SCHIP1: variants seen among roughly 807,000 people sequenced by gnomAD.
SCHIP1 encodes schwannomin interacting protein 1, also known as schwannomin-interacting protein 1.
In SCHIP1, 8 loss-of-function variants were observed where a neutral mutation model predicts 29.7. The observed-to-expected ratio is 0.27, with a 90% confidence interval of 0.16 to 0.49. SCHIP1 has a LOEUF of 0.49. Ranked by LOEUF, SCHIP1 falls within the 20% of genes least tolerant of loss-of-function variation. SCHIP1 has a pLI of 0.99. For missense variants in SCHIP1, 193 were observed against 294.6 expected (o/e 0.66, Z 2.52); for synonymous variants, 76 against 94.9 (o/e 0.80, Z 1.16).
At chr3:159,740,694 T>C in the SCHIP1 span, among the ~76,000 whole-genome samples, 1 of 135,770 alleles carries the variant, frequency 7.4e-6, no homozygotes, top group Admixed American at 8.4e-5. Context: ...GCCACAGGTA[T>C]GCCCCTAAGA....
At chr3:159,339,079 T>G in the SCHIP1 span, among the ~76,000 whole-genome samples, 2 of 152,072 alleles carry the variant, frequency 1.3e-5, no homozygotes, top group East Asian at 3.9e-4. Context: ...TCCATGGCCA[T>G]TTACAGCAGA....
chr3:159,491,143 T>A, the SCHIP1 span, among the ~76,000 whole-genome samples: 22 of 152,168 alleles, frequency 1.4e-4, no homozygotes, highest in Non-Finnish European at 2.8e-4. Context: ...GATGGCCGAA[T>A]AGGAGCAGCT....
At chr3:159,850,068 G>C (rs1712375243) in intron 1 of SCHIP1, among the ~76,000 whole-genome samples, 1 of 152,182 alleles carries the variant, frequency 6.6e-6, no homozygotes, top group African/African-American at 2.4e-5. Context: ...AAACTGGAAA[G>C]GAAAATTCAT....
the SCHIP1 span, among the ~76,000 whole-genome samples, chr3:159,539,894 A>T: frequency 6.6e-6 from 1 of 151,874 alleles, no homozygotes; most frequent in Non-Finnish European, 1.5e-5. Context: ...TAAAGAGATG[A>T]TTCCTCTTTA....
the SCHIP1 span, among the ~76,000 whole-genome samples, chr3:159,755,506 T>C: frequency 6.6e-6 from 1 of 152,216 alleles, no homozygotes; most frequent in Non-Finnish European, 1.5e-5. Flanking sequence ...ATGGGAATTA[T>C]GGAAGCTACA....
the SCHIP1 span, among the ~76,000 whole-genome samples, chr3:159,703,361 C>T: frequency 6.6e-6 from 1 of 152,162 alleles, no homozygotes; most frequent in Non-Finnish European, 1.5e-5. Context: ...AACCTAAGAA[C>T]ACGTGGTAGA....
At chr3:159,662,007 C>T in the SCHIP1 span, among the ~76,000 whole-genome samples, 2 of 152,128 alleles carry the variant, frequency 1.3e-5, no homozygotes, top group Admixed American at 1.3e-4. Context: ...ACATCTGTTC[C>T]CCTGGTCACC....
At chr3:159,584,021 T>C in the SCHIP1 span, among the ~76,000 whole-genome samples, 1 of 152,286 alleles carries the variant, frequency 6.6e-6, no homozygotes, top group East Asian at 1.9e-4. Flanking sequence ...AGGTTGCACA[T>C]AATTCAGACC....
the SCHIP1 span, among the ~76,000 whole-genome samples, chr3:159,667,495 C>A: frequency 6.6e-6 from 1 of 152,174 alleles, no homozygotes; most frequent in Non-Finnish European, 1.5e-5. Flanking sequence ...AATGATCTGG[C>A]CAGGCCGGAG....
chr3:159,279,171 A>G, the SCHIP1 span, among the ~76,000 whole-genome samples: 1 of 152,086 alleles, frequency 6.6e-6, no homozygotes, highest in Admixed American at 6.6e-5. Context: ...GACCCAATGG[A>G]GGGTAATTGA....
chr3:159,586,623 C>G, the SCHIP1 span, among the ~76,000 whole-genome samples: 354 of 152,250 alleles, frequency 2.3e-3, 2 homozygotes, highest in African/African-American at 8.3e-3. Flanking sequence ...TAAGGCTCAG[C>G]CTCCGTGTCA....
chr3:159,474,374 T>G, the SCHIP1 span, among the ~76,000 whole-genome samples: 1 of 152,158 alleles, frequency 6.6e-6, no homozygotes, highest in South Asian at 2.1e-4. Context: ...CCTGTTGGTC[T>G]TTGTTCTGAA....
chr3:159,799,216 G>C, the SCHIP1 span, among the ~76,000 whole-genome samples: 1 of 152,184 alleles, frequency 6.6e-6, no homozygotes, highest in African/African-American at 2.4e-5. Context: ...CACACCACTG[G>C]GGCACTCAGA....
the SCHIP1 span, among the ~76,000 whole-genome samples, chr3:159,783,547 T>C: frequency 1.3e-5 from 2 of 152,238 alleles, no homozygotes; most frequent in Non-Finnish European, 2.9e-5. Flanking sequence ...TCTTGCAATT[T>C]TCCTGTAGTT....
chr3:159,617,539 T>C, the SCHIP1 span, among the ~76,000 whole-genome samples: 1 of 152,190 alleles, frequency 6.6e-6, no homozygotes, highest in Non-Finnish European at 1.5e-5. Flanking sequence ...TCATCTCTTC[T>C]TTTGTGGGCA....
chr3:159,492,477 G>A, the SCHIP1 span, among the ~76,000 whole-genome samples: 7 of 152,202 alleles, frequency 4.6e-5, no homozygotes, highest in Middle Eastern at 3.4e-3. Context: ...TAACTGAGGC[G>A]ATCAACTGGA....
intron 2 of SCHIP1, among the ~76,000 whole-genome samples, chr3:159,874,563 A>G (rs1030000880): frequency 3.3e-5 from 5 of 152,200 alleles, no homozygotes; most frequent in African/African-American, 9.6e-5. Context: ...ATCCAGAGAG[A>G]CTTCAAAGAA....
At chr3:159,498,231 G>T in the SCHIP1 span, among the ~76,000 whole-genome samples, 1 of 152,012 alleles carries the variant, frequency 6.6e-6, no homozygotes, top group Non-Finnish European at 1.5e-5. Flanking sequence ...CTAAAATTTT[G>T]TTTATATAAT....
At chr3:159,371,566 A>G in the SCHIP1 span, among the ~76,000 whole-genome samples, 1 of 152,210 alleles carries the variant, frequency 6.6e-6, no homozygotes, top group Non-Finnish European at 1.5e-5. Context: ...GAAATAGTGT[A>G]TATGGAAGTG....
Sources: gnomAD v4.1 joint callset for allele counts (sites outside exome capture counted in the v4.1 genomes callset) on GRCh38, gnomAD v4.1.1 for gene constraint, MANE v1.5 for transcripts, NCBI Gene and HGNC (gene_info 2026-07-23, HGNC 2026-07-21) for gene names.